KCNAB3: variants seen among roughly 807,000 people sequenced by gnomAD.
KCNAB3 encodes the protein voltage-gated potassium channel subunit beta-3.
In KCNAB3, 62 loss-of-function variants were observed where a neutral mutation model predicts 67.7. The ratio of observed to expected loss-of-function variants is 0.92; its 90% CI spans 0.75 to 1.13. The LOEUF (loss-of-function observed/expected upper bound fraction) is 1.13, where lower values mean the gene tolerates loss of function less well. Ranked by LOEUF, KCNAB3 falls within the 50% of genes most tolerant of loss-of-function variation. The pLI is 0.00. For missense variants in KCNAB3, 514 were observed against 522.9 expected (o/e 0.98, Z 0.17); for synonymous variants, 212 against 205.4 (o/e 1.03, Z -0.27).
At position 7,929,777 on chromosome 17, in the gene KCNAB3, G is replaced by A. The variant is rs985458808; in HGVS notation, c.-342C>T. 6.5e-5 allele frequency: 75 copies of A among 1,159,456 alleles called. No homozygotes were observed. Among genetic ancestry groups the A allele is most frequent in the Non-Finnish European group, 7.7e-5 (72 of 935,072 alleles). 71.8% of individuals were successfully genotyped at this position (1,159,456 alleles called of 1,614,324 possible). On this transcript the variant is annotated 5_prime_UTR_variant, in exon 1 of 14. Coordinates refer to ENST00000303790, the MANE Select transcript of KCNAB3 (RefSeq NM_004732.4). This position sits in a 1 kb window ranked among gnomAD's most constrained non-coding sequence, Gnocchi z 5.7. Reference sequence around the variant, plus strand: ...GGATAAGGACCCAGGGGGAAGCGGGGCGGGAGAGAGATGCCACTTCAGCGC... The same window carrying A: ...GGATAAGGACCCAGGGGGAAGCGGGACGGGAGAGAGATGCCACTTCAGCGC...
At chr17:7,923,852 A>G (rs1305185529) in intron 11 of KCNAB3, 21 bp from the exon 12 acceptor site, 2 of 1,565,070 alleles carry the variant, frequency 1.3e-6, no homozygotes, top group South Asian at 2.3e-5. Context: ...AGAAGAATCA[A>G]CAGAAGACCC....
At position 7,922,760 on chromosome 17, in the gene KCNAB3, T is replaced by G. The variant is rs561745961; in HGVS notation, c.*342A>C. 5.4e-6 allele frequency: 2 copies of G among 373,374 alleles called. No homozygotes were observed. The highest frequency in any genetic ancestry group is 5.1e-5 in the East Asian group (1 of 19,672). 23.1% of individuals were successfully genotyped at this position (373,374 alleles called of 1,614,324 possible). A position where few individuals can be genotyped will look rare whatever the true frequency, so the allele number is the denominator to read the frequency against. On this transcript the variant is annotated 3_prime_UTR_variant, in exon 14 of 14. Coordinates refer to ENST00000303790, the MANE Select transcript of KCNAB3 (RefSeq NM_004732.4). ...GTTTCTTGTATGTGCTGGGTTTTTG[T>G]TTTTGTTTTCTTTTCTGGGCCTCGG...
At position 7,929,507 on chromosome 17, in the gene KCNAB3, C is replaced by G. The variant is rs561424494; in HGVS notation, c.-72G>C. 66 of 1,529,022 alleles carry G rather than the reference C, an allele frequency of 4.3e-5. No individual in the cohort carries two copies. The African/African-American group carries it at 8.5e-4, about 20-fold the overall frequency. The allele number at this position is 1,529,022 out of a possible 1,614,324, so 94.7% of individuals were successfully genotyped here. A position where few individuals can be genotyped will look rare whatever the true frequency, so the allele number is the denominator to read the frequency against. ...GGGAGCAGGGAAGCCCGAGGGCTGA[C>G]GACCGGGGGCGTAGTGGGGCGAACC... On this transcript the variant is annotated 5_prime_UTR_variant, in exon 1 of 14. Coordinates refer to ENST00000303790, the MANE Select transcript of KCNAB3 (RefSeq NM_004732.4). The surrounding 1 kb of genome is among the most constrained non-coding windows in gnomAD (Gnocchi z 5.7).
In KCNAB3 at chr17:7,929,136, A is replaced by T. The variant is rs751948440; in HGVS notation, c.242+58T>A. On this transcript the variant is annotated intron_variant, in intron 1 of 13. Transcript: ENST00000303790. The surrounding 1 kb of genome is among the most constrained non-coding windows in gnomAD (Gnocchi z 5.7). ...AGGGGTCTTGGCGGCCATCTCAAGC[A>T]GTCTCAGGGGTCCCGAAAGGAAAGC... The T allele has an allele frequency of 6.3e-7, 1 of 1,587,928 alleles. No homozygotes were observed.
In KCNAB3 at chr17:7,923,385, G is replaced by A. The variant is rs999129806; in HGVS notation, c.1137+71C>T. 19 of 1,465,586 alleles carry A rather than the reference G, an allele frequency of 1.3e-5. No individual in the cohort carries two copies. The African/African-American group carries it at 2.7e-4, about 21-fold the overall frequency. 90.8% of individuals were successfully genotyped at this position (1,465,586 alleles called of 1,614,324 possible). On this transcript the variant is annotated intron_variant, in intron 13 of 13. Transcript: ENST00000303790. ...GTGGGTGACCTGATAGAGCCATCCT[G>A]GGTTGGATAGCGTGGCTTTGACTCC...
intron 4 of KCNAB3, 142 bp from the exon 5 acceptor site, chr17:7,926,245 A>C: frequency 1.2e-6 from 1 of 857,700 alleles, no homozygotes; most frequent in South Asian, 1.6e-5. Flanking sequence ...GGACAAAATA[A>C]GAGGTCTGTT....
chr17:7,923,646 G>GTTTT lies in KCNAB3; in HGVS notation c.1048+61_1048+64dup, dbSNP rs1193003180. 5 of 1,551,764 alleles carry GTTTT rather than the reference G, an allele frequency of 3.2e-6. No homozygotes were observed. In the African/African-American group the frequency reaches 6.8e-5, roughly 21 times the overall value. ...AAGCGTCCTCCCTAGGGACAAACCAGTTTTAGGATGGGCTTGGGAGCATGT... is the reference window on the plus strand; with the variant it reads ...AAGCGTCCTCCCTAGGGACAAACCAGTTTTTTTTAGGATGGGCTTGGGAGCATGT... On this transcript the variant is annotated intron_variant, in intron 12 of 13. Transcript: ENST00000303790.
In KCNAB3 at chr17:7,923,993, G is replaced by A. The variant is rs1240520932; in HGVS notation, c.902C>T (p.Pro301Leu). 2 of 1,613,598 alleles carry A rather than the reference G, an allele frequency of 1.2e-6. No individual in the cohort carries two copies. The change falls in exon 11 of 14, where the codon CCA (proline) becomes CTA (leucine). Residue 301 changes from proline (P) to leucine (L), a missense_variant. Coordinates refer to ENST00000303790, the MANE Select transcript of KCNAB3 (RefSeq NM_004732.4). Reference sequence around the variant, plus strand: ...CTTGATGGAGGCCCTGCAAGTATCTGGGACTCGCCCATCATACTTGCTAGT... The same window carrying A: ...CTTGATGGAGGCCCTGCAAGTATCTAGGACTCGCCCATCATACTTGCTAGT... ...LITSKYDGRV[P>L]DTCRASIKGY...
At position 7,925,739 on chromosome 17, in the gene KCNAB3, G is replaced by A; in HGVS notation, c.495-13C>T. The A allele has an allele frequency of 6.2e-7, 1 of 1,613,972 alleles. No individual in the cohort carries two copies. The highest frequency in any genetic ancestry group is 1.3e-5 in the African/African-American group (1 of 74,932). On this transcript the variant is annotated splice_polypyrimidine_tract_variant and intron_variant, in intron 6 of 13. Transcript: ENST00000303790. ...CTCGGTTTCTGCCCTGTAGGAAAAG[G>A]TAAGTCAAAGATGAGATGTGACAAA...
At position 7,925,111 on chromosome 17, in the gene KCNAB3, T is replaced by G. The variant is rs758415442; in HGVS notation, c.611A>C (p.Asn204Thr). 1.2e-6 allele frequency: 2 copies of G among 1,613,076 alleles called. No homozygotes were observed. Among genetic ancestry groups the G allele is most frequent in the Non-Finnish European group, 1.7e-6 (2 of 1,179,420 alleles). ...DIVFANRSDP[N>T]CPMEEIVRAM... Reference sequence around the variant, plus strand: ...GCTGCTTTTACCCTCCATAGGACAGTTGGGGTCTGAGCGATTGGCAAAGAC... The same window carrying G: ...GCTGCTTTTACCCTCCATAGGACAGGTGGGGTCTGAGCGATTGGCAAAGAC... Residue 204 changes from asparagine to threonine, a missense_variant, in exon 8 of 14, where the codon AAC (asparagine) becomes ACC (threonine). By Grantham distance (65) the Asn-to-Thr change is moderately conservative. Coordinates refer to ENST00000303790, the MANE Select transcript of KCNAB3 (RefSeq NM_004732.4).
rs762579506 is a variant in KCNAB3, at chr17:7,923,160, G to C, written c.1157C>G (p.Pro386Arg). ...CCCGTCTATTTCCATCACTGTCTGC[G>C]GGGTCAGCTGGCTCAGCACCTGGAG... The part of the protein sequence containing the change: ...GALQVLSQLT[P>R]QTVMEIDGLL... The change falls in exon 14 of 14, where the codon CCG becomes CGG. Residue 386 changes from proline (P) to arginine (R), a missense_variant. Pro to Arg is a moderately radical substitution (Grantham distance 103). Coordinates refer to ENST00000303790, the MANE Select transcript of KCNAB3 (RefSeq NM_004732.4). 1.5e-5 allele frequency: 25 copies of C among 1,614,066 alleles called. No homozygotes were observed. The highest frequency in any genetic ancestry group is 2.0e-5 in the Non-Finnish European group (24 of 1,180,042).
intron 10 of KCNAB3, 41 bp downstream of exon 10, chr17:7,924,104 T>G: frequency 6.2e-7 from 1 of 1,614,156 alleles, no homozygotes; most frequent in Non-Finnish European, 8.5e-7. Context: ...GACCTAGCCA[T>G]GGATGAGGCT....
Position 7,929,819 on chromosome 17 carries a change from CGCT to C in KCNAB3, c.-387_-385del. ...CTTCAGCGCGAACCGCTGCGGGACC[CGCT>C]GGGCTCCCAGCCGCGTCGGCAGCGG... On this transcript the variant is annotated 5_prime_UTR_variant, in exon 1 of 14. Transcript: ENST00000303790. The surrounding 1 kb of genome is among the most constrained non-coding windows in gnomAD (Gnocchi z 5.7). 9.9e-7 allele frequency: 1 copy of C among 1,011,720 alleles called. No homozygotes were observed. The highest frequency in any genetic ancestry group is 1.2e-6 in the Non-Finnish European group (1 of 847,586). 62.7% of individuals were successfully genotyped at this position (1,011,720 alleles called of 1,614,324 possible).
chr17:7,924,957 A>G (rs4444395), intron 8 of KCNAB3, 140 bp downstream of exon 8: 388,463 of 713,826 alleles, frequency 0.54, 113,173 homozygotes, highest in East Asian at 0.99. Flanking sequence ...TGTTGCCCAG[A>G]CTGTTCTCGA....
chr17:7,929,193 C>T lies in KCNAB3; in HGVS notation c.242+1G>A. On this transcript the variant is annotated splice_donor_variant, in intron 1 of 13. Coordinates refer to ENST00000303790, the MANE Select transcript of KCNAB3 (RefSeq NM_004732.4). LOFTEE classifies it high-confidence loss of function. This position sits in a 1 kb window ranked among gnomAD's most constrained non-coding sequence, Gnocchi z 5.7. ...GGTGGGCTGCCCGGCCACCCCCATA[C>T]CTGTATTTCATGCCAGTGCCTCGGC... 1.2e-6 allele frequency: 2 copies of T among 1,612,000 alleles called. No homozygotes were observed. Among genetic ancestry groups the T allele is most frequent in the Non-Finnish European group, 1.7e-6 (2 of 1,179,590 alleles).
At position 7,925,948 on chromosome 17, in the gene KCNAB3, C is replaced by A; in HGVS notation, c.477G>T (p.Lys159Asn). ...CCACTTACTGTCCTCCCCAAAAAAT[C>A]TTGGTAGTGATGACATAGCTTGATC... ...WRRSSYVITT[K>N]IFWGGQAETE... The change falls in exon 6 of 14, where the codon AAG (lysine) becomes AAT (asparagine). Residue 159 changes from lysine to asparagine, a missense_variant. Lys to Asn is a moderately conservative substitution (Grantham distance 94, BLOSUM62 0). Transcript: ENST00000303790. 1.3e-6 allele frequency: 2 copies of A among 1,513,400 alleles called. No individual in the cohort carries two copies. Among genetic ancestry groups the A allele is most frequent in the Middle Eastern group, 1.8e-4 (1 of 5,536 alleles). 93.7% of individuals were successfully genotyped at this position (1,513,400 alleles called of 1,614,324 possible).
At chr17:7,927,736 G>A in intron 2 of KCNAB3, 42 bp from the exon 3 acceptor site, 3 of 1,614,050 alleles carry the variant, frequency 1.9e-6, no homozygotes, top group Non-Finnish European at 2.5e-6. Flanking sequence ...GCAGGGGGCA[G>A]ACCATGAAAG....
At chr17:7,928,982 G>A (rs2151719672) in intron 1 of KCNAB3, 2 of 765,996 alleles carry the variant, frequency 2.6e-6, no homozygotes, top group Non-Finnish European at 4.1e-6. Flanking sequence ...ACAGGACCCA[G>A]TCAACCTTGG....
rs1972358718 is a variant in KCNAB3 at position 7,929,566 on chromosome 17, G to A, written c.-131C>T. 2.7e-6 allele frequency: 4 copies of A among 1,464,296 alleles called. No homozygotes were observed. Among genetic ancestry groups the A allele is most frequent in the Non-Finnish European group, 3.6e-6 (4 of 1,115,826 alleles). 90.7% of individuals were successfully genotyped at this position (1,464,296 alleles called of 1,614,324 possible). On this transcript the variant is annotated 5_prime_UTR_variant, in exon 1 of 14. Transcript: ENST00000303790. The surrounding 1 kb of genome is among the most constrained non-coding windows in gnomAD (Gnocchi z 5.7). ...GCGGGAAGGCTGAGGAGGCTGCGGC[G>A]GGAGCCGCCAGGCAGGATCGGGCCC...
Sources: allele counts gnomAD v4.1 joint callset, GRCh38; gene constraint gnomAD v4.1.1; non-coding constraint Gnocchi (gnomAD v3.1); transcripts MANE v1.5; gene names NCBI Gene and HGNC (gene_info 2026-07-23, HGNC 2026-07-21).